The following CA12 variants were observed in gnomAD, a reference collection of about 807,000 sequenced individuals.
CA12 encodes the protein carbonate dehydratase XII.
In CA12, 36 loss-of-function variants were observed where a neutral mutation model predicts 46.8. The ratio of observed to expected loss-of-function variants is 0.77; its 90% CI spans 0.59 to 1.02. The LOEUF is 1.02. Ranked by LOEUF, CA12 falls within the 50% of genes least tolerant of loss-of-function variation. The pLI is 0.00. For missense variants in CA12, 436 were observed against 451.4 expected (o/e 0.97, Z 0.31); for synonymous variants, 202 against 187.0 (o/e 1.08, Z -0.65).
chr15:63,350,626 T>C (rs1389813109), intron 2 of CA12, among the ~76,000 whole-genome samples: 1 of 152,204 alleles, frequency 6.6e-6, no homozygotes, highest in Non-Finnish European at 1.5e-5. Flanking sequence ...TGGTCAGAAT[T>C]CCTGTTTCGA....
intron 2 of CA12, among the ~76,000 whole-genome samples, chr15:63,361,028 T>A (rs529454451): frequency 2.6e-5 from 4 of 152,104 alleles, no homozygotes; most frequent in African/African-American, 9.7e-5. Flanking sequence ...TGGCATCGGA[T>A]GTAAATACAG....
At position 63,339,626 on chromosome 15, in the gene CA12, G is replaced by T. The variant is rs911525976; in HGVS notation, c.747+662C>A. ...GCTGCCCTGGACGCATGAAGCTGGC[G>T]TGGGGCTGTGAGCCAGGGTGTAGTG... On this transcript the variant is annotated intron_variant, in intron 7 of 10. Coordinates refer to ENST00000178638, the MANE Select transcript of CA12 (RefSeq NM_001218.5). This position sits in a 1 kb window ranked among gnomAD's most constrained non-coding sequence, Gnocchi z 4.3. Among the ~76,000 whole-genome samples the T allele has an allele frequency of 6.6e-6, 1 of 152,190 alleles. No homozygotes were observed. Among genetic ancestry groups the T allele is most frequent in the East Asian group, 1.9e-4 (1 of 5,196 alleles).
chr15:63,353,271 G>A (rs1035247677), intron 2 of CA12, among the ~76,000 whole-genome samples: 3 of 152,114 alleles, frequency 2.0e-5, no homozygotes, highest in African/African-American at 4.8e-5. Context: ...AGGAGGCGCC[G>A]TTAAAGCTGA....
At chr15:63,375,816 T>A (rs2039563385) in intron 1 of CA12, 138 bp from the exon 2 acceptor site, 4 of 686,010 alleles carry the variant, frequency 5.8e-6, no homozygotes, top group Admixed American at 2.8e-5. Flanking sequence ...TTTTTCTTTT[T>A]TTTTTTTTTC....
intron 2 of CA12, among the ~76,000 whole-genome samples, chr15:63,356,441 C>T (rs919914986): frequency 3.9e-5 from 6 of 151,974 alleles, no homozygotes; most frequent in Non-Finnish European, 7.4e-5. Flanking sequence ...TTCATTATCT[C>T]AAACATTTAT....
In CA12 at chr15:63,372,002, C is replaced by T. The variant is rs1040479096; in HGVS notation, c.106+3656G>A. Among the ~76,000 whole-genome samples the T allele has an allele frequency of 3.9e-5, 6 of 152,070 alleles. No individual in the cohort carries two copies. The highest frequency in any genetic ancestry group is 1.5e-4 in the African/African-American group (6 of 41,378). The stretch of plus-strand genomic sequence containing the variant: ...AAATATATACCGAAAAGTGTGTAGA[C>T]CATAAGCAAACAGCTGGATGAATGC... On this transcript the variant is annotated intron_variant, in intron 2 of 10. Transcript: ENST00000178638. This position sits in a 1 kb window ranked among gnomAD's most constrained non-coding sequence, Gnocchi z 4.5.
At chr15:63,362,631 A>G (rs183154396) in intron 2 of CA12, among the ~76,000 whole-genome samples, 42 of 152,366 alleles carry the variant, frequency 2.8e-4, no homozygotes, top group Admixed American at 7.2e-4. Flanking sequence ...GAAGTTCCCC[A>G]GGATGAAGCC....
rs758007430 is a variant in CA12 at position 63,345,528 on chromosome 15, A to G, written c.378T>C (p.Asn126=). 3 of 1,612,630 alleles carry G rather than the reference A, an allele frequency of 1.9e-6. No individual in the cohort carries two copies. Among genetic ancestry groups the G allele is most frequent in the Non-Finnish European group, 2.5e-6 (3 of 1,180,020 alleles). ...CGGTGTGCTCAGAGCCGTGCGGGTC[A>G]TTCGGGTTCCCCCAGTGCAGGTGCA... is the stretch of plus-strand genomic sequence containing the variant. ...TQLHLHWGNP[N]DPHGSEHTVS... is the part of the protein sequence containing the mutation. Residue 126 remains asparagine, a synonymous_variant, in exon 4 of 11, where the codon AAT becomes AAC. Coordinates refer to ENST00000178638, the MANE Select transcript of CA12 (RefSeq NM_001218.5). This position sits in a 1 kb window ranked among gnomAD's most constrained non-coding sequence, Gnocchi z 4.3.
chr15:63,363,935 C>T (rs375278636), intron 2 of CA12, among the ~76,000 whole-genome samples: 1 of 151,978 alleles, frequency 6.6e-6, no homozygotes, highest in East Asian at 1.9e-4. Flanking sequence ...CGCCTGTAAT[C>T]CTGGCACTTT....
rs1348319819 is a variant in CA12 at position 63,331,018 on chromosome 15, T to A, written c.875-2888A>T. Among the ~76,000 whole-genome samples, 1 of 152,210 alleles carries A rather than the reference T, an allele frequency of 6.6e-6. No individual in the cohort carries two copies. Among genetic ancestry groups the A allele is most frequent in the Non-Finnish European group, 1.5e-5 (1 of 68,040 alleles). On this transcript the variant is annotated intron_variant, in intron 8 of 10. Transcript: ENST00000178638. This position sits in a 1 kb window ranked among gnomAD's most constrained non-coding sequence, Gnocchi z 5.3. The stretch of plus-strand genomic sequence containing the variant: ...ATCATAAGCTGTTAAGGAAGAGGAA[T>A]GCCGGCGAGGGTGTCACCCGATAGT...
Position 63,345,537 on chromosome 15 carries a change from C to A in CA12, c.369G>T (p.Gly123=). 2 of 1,612,874 alleles carry A rather than the reference C, an allele frequency of 1.2e-6. No homozygotes were observed. The highest frequency in any genetic ancestry group is 1.1e-5 in the South Asian group (1 of 91,068). Reference sequence around the variant, plus strand: ...CAGAGCCGTGCGGGTCATTCGGGTTCCCCCAGTGCAGGTGCAGCTGCGTGG... The same window carrying A: ...CAGAGCCGTGCGGGTCATTCGGGTTACCCCAGTGCAGGTGCAGCTGCGTGG... ...YSATQLHLHW[G]NPNDPHGSEH... Residue 123 remains glycine, a synonymous_variant, in exon 4 of 11, where the codon GGG becomes GGT. Transcript: ENST00000178638. The surrounding 1 kb of genome is among the most constrained non-coding windows in gnomAD (Gnocchi z 4.3).
chr15:63,370,459 GAAA>G (rs1296103948), intron 2 of CA12, among the ~76,000 whole-genome samples: 2 of 144,378 alleles, frequency 1.4e-5, no homozygotes, highest in Non-Finnish European at 3.0e-5. Flanking sequence ...AAAAAAAAAA[GAAA>G]AAAAGAAAAG....
intron 2 of CA12, among the ~76,000 whole-genome samples, chr15:63,349,247 C>T (rs1451526644): frequency 6.6e-6 from 1 of 152,200 alleles, no homozygotes; most frequent in East Asian, 1.9e-4. Context: ...ATTAAGAATA[C>T]TAGGACTAAG....
intron 2 of CA12, among the ~76,000 whole-genome samples, chr15:63,364,343 A>ACAAAC (rs2039410345): frequency 6.7e-6 from 1 of 149,368 alleles, no homozygotes; most frequent in Non-Finnish European, 1.5e-5. Context: ...AAAAAAAAAA[A>ACAAAC]AAAAAAAAAA....
rs57673087 is a variant in CA12, at chr15:63,378,696, G to C, written c.85+2940C>G. 150 of 152,338 alleles carry C rather than the reference G, an allele frequency of 9.8e-4. No homozygotes were observed. The highest frequency in any genetic ancestry group is 3.6e-3 in the African/African-American group (149 of 41,574). The allele number at this position is 152,338 out of a possible 1,614,324, so 9.4% of individuals were successfully genotyped here. Reference sequence around the variant, plus strand: ...ACATTTTCTTCAGTCTTTTGTGTGAGAGGTTCATTATTAAGATGTAATCCC... The same window carrying C: ...ACATTTTCTTCAGTCTTTTGTGTGACAGGTTCATTATTAAGATGTAATCCC... On this transcript the variant is annotated intron_variant, in intron 1 of 10. Transcript: ENST00000178638. This position sits in a 1 kb window ranked among gnomAD's most constrained non-coding sequence, Gnocchi z 4.8.
rs551947451 is a variant in CA12 at position 63,355,563 on chromosome 15, C to T, written c.107-8854G>A. Among the ~76,000 whole-genome samples the T allele has an allele frequency of 8.5e-5, 13 of 152,364 alleles. No individual in the cohort carries two copies. In the South Asian group the frequency reaches 2.5e-3, roughly 29 times the overall value. On this transcript the variant is annotated intron_variant, in intron 2 of 10. Transcript: ENST00000178638. This position sits in a 1 kb window ranked among gnomAD's most constrained non-coding sequence, Gnocchi z 4.1. ...CGGGCTGAGGCTGAGAAGCGCTGCACTAGACTGTCAGCTCGCTTTCTGCAT... is the reference window on the plus strand; with the variant it reads ...CGGGCTGAGGCTGAGAAGCGCTGCATTAGACTGTCAGCTCGCTTTCTGCAT...
chr15:63,361,600 C>G (rs2152623282), intron 2 of CA12, among the ~76,000 whole-genome samples: 1 of 152,318 alleles, frequency 6.6e-6, no homozygotes, highest in East Asian at 1.9e-4. Context: ...AAGGTCGAGA[C>G]TGGACTATTG....
rs1358663351 is a variant in CA12, at chr15:63,378,474, A to G, written c.86-2796T>C. On this transcript the variant is annotated intron_variant, in intron 1 of 10. Transcript: ENST00000178638. The surrounding 1 kb of genome is among the most constrained non-coding windows in gnomAD (Gnocchi z 4.8). ...TCCACAGACTCCCCTGAAACCAGCT[A>G]TGGGTGCATTGAGAGTTGAGGGTCC... is the stretch of plus-strand genomic sequence containing the variant. 2.0e-5 allele frequency among the ~76,000 whole-genome samples: 3 copies of G among 152,166 alleles called. No homozygotes were observed. The highest frequency in any genetic ancestry group is 4.4e-5 in the Non-Finnish European group (3 of 68,014).
At chr15:63,344,345 A>G (rs1181343031) in intron 4 of CA12, among the ~76,000 whole-genome samples, 2 of 152,246 alleles carry the variant, frequency 1.3e-5, no homozygotes, top group East Asian at 3.8e-4. Context: ...GTAGAAAGGC[A>G]CAGACTTGTC....
Sources: allele counts gnomAD v4.1 joint callset (sites outside exome capture counted in the v4.1 genomes callset), GRCh38; gene constraint gnomAD v4.1.1; non-coding constraint Gnocchi (gnomAD v3.1); transcripts MANE v1.5; gene names NCBI Gene and HGNC (gene_info 2026-07-23, HGNC 2026-07-21).